The following MANBA variants were observed in gnomAD, a reference collection of about 807,000 sequenced individuals.
MANBA encodes the protein mannosidase beta, also known as beta-mannosidase.
A neutral mutation model predicts 111.1 loss-of-function variants in MANBA; 83 were observed. That is an observed-to-expected ratio of 0.75 (90% CI 0.63 to 0.90). The LOEUF (loss-of-function observed/expected upper bound fraction) is 0.90. MANBA is among the 40% of genes least tolerant of loss of function. MANBA has a pLI of 0.00. For missense variants in MANBA, 1,036 were observed against 1,069.0 expected, an observed-to-expected ratio of 0.97 and a Z score of 0.43; for synonymous variants, 370 against 378.7, an observed-to-expected ratio of 0.98 and a Z score of 0.27.
Position 102,734,668 on chromosome 4 carries a change from C to T in MANBA, c.178-7985G>A, listed in dbSNP as rs1192186210. 7.9e-6 allele frequency: 10 copies of T among 1,268,716 alleles called. No individual in the cohort carries two copies. In the African/African-American group the frequency reaches 1.5e-4, roughly 19 times the overall value. 78.6% of individuals were successfully genotyped at this position (1,268,716 alleles called of 1,614,324 possible). Reference sequence around the variant, plus strand: ...CAGGGAGAGGGCCTTGGGGACAGCCCTCCTGGGAATCTATATCCTGTTCCC... The same window carrying T: ...CAGGGAGAGGGCCTTGGGGACAGCCTTCCTGGGAATCTATATCCTGTTCCC... On this transcript the variant is annotated intron_variant, in intron 1 of 16. Transcript: ENST00000647097.
chr4:102,681,521 C>T (rs1731977225), intron 7 of MANBA: 1 of 152,062 alleles, frequency 6.6e-6, no homozygotes, highest in Admixed American at 6.6e-5. Flanking sequence ...CATACATGAA[C>T]TAAAATATGC....
chr4:102,727,667 C>G, intron 1 of MANBA: 1 of 1,425,470 alleles, frequency 7.0e-7, no homozygotes, highest in Non-Finnish European at 9.9e-7. Flanking sequence ...CTAAGTTGAA[C>G]GCAGTCTCAG....
chr4:102,751,731 G>A (rs936484580), intron 1 of MANBA: 2 of 540,872 alleles, frequency 3.7e-6, no homozygotes, highest in African/African-American at 3.8e-5. Flanking sequence ...AGGGGCAAAG[G>A]AATGGATCTT....
chr4:102,760,673 A>T, intron 1 of MANBA, 45 bp downstream of exon 1: 1 of 1,497,862 alleles, frequency 6.7e-7, no homozygotes, highest in Non-Finnish European at 8.9e-7. Context: ...TCAGCACCAG[A>T]AGAAGGCGGG....
chr4:102,714,625 A>T, intron 4 of MANBA, 64 bp from the exon 5 acceptor site: 3 of 1,504,660 alleles, frequency 2.0e-6, no homozygotes, highest in Non-Finnish European at 2.8e-6. Flanking sequence ...CATTATGAAA[A>T]ACATTTTCTT....
rs373040814 is a variant in MANBA at position 102,657,824 on chromosome 4, T to G, written c.1562A>C (p.Gln521Pro). The change falls in exon 12 of 17, where the codon CAA becomes CCA. Residue 521 changes from glutamine to proline, a missense_variant. By Grantham distance (76) the Gln-to-Pro change is moderately conservative. Coordinates refer to ENST00000647097, the MANE Select transcript of MANBA (RefSeq NM_005908.4). ...ACCAAAATAATTGCTATTAGGGTTT[T>G]GAGAGACCCAGGCTTCTGCAACAGT... ...AETVAEAWVS[Q>P]NPNSNYFGDV... The G allele has an allele frequency of 6.2e-7, 1 of 1,613,956 alleles. No individual in the cohort carries two copies. Among genetic ancestry groups the G allele is most frequent in the Non-Finnish European group, 8.5e-7 (1 of 1,179,810 alleles).
intron 11 of MANBA, among the ~76,000 whole-genome samples, chr4:102,658,400 T>C (rs972579677): frequency 7.9e-5 from 12 of 152,122 alleles, no homozygotes; most frequent in African/African-American, 2.9e-4. Flanking sequence ...AAAATCACCA[T>C]CACTTGAGAA....
intron 1 of MANBA, among the ~76,000 whole-genome samples, chr4:102,737,509 G>A (rs1361717446): frequency 1.3e-5 from 2 of 151,792 alleles, no homozygotes; most frequent in East Asian, 1.9e-4. Flanking sequence ...TTGAAATGGA[G>A]TCTCGCTCTG....
chr4:102,733,028 A>G (rs1032729150), intron 1 of MANBA, among the ~76,000 whole-genome samples: 6 of 152,232 alleles, frequency 3.9e-5, no homozygotes, highest in African/African-American at 1.4e-4. Flanking sequence ...CAAGAGGGCA[A>G]TCTTCCCAGA....
chr4:102,667,098 T>C (rs1317833439), intron 10 of MANBA: 1 of 152,250 alleles, frequency 6.6e-6, no homozygotes, highest in African/African-American at 2.4e-5. Flanking sequence ...TCAGAGTCTC[T>C]CAAAATCCTT....
chr4:102,751,431 G>A (rs568643967), intron 1 of MANBA: 2 of 490,994 alleles, frequency 4.1e-6, no homozygotes, highest in African/African-American at 3.9e-5. Context: ...TTTCTACACC[G>A]ATAACAAGAA....
At chr4:102,650,821 T>C in intron 12 of MANBA, 120 bp from the exon 13 acceptor site, 1 of 769,650 alleles carries the variant, frequency 1.3e-6, no homozygotes, top group African/African-American at 1.7e-5. Context: ...AGGTTTGTTC[T>C]GTGGCTCCAG....
chr4:102,671,196 G>T, intron 9 of MANBA, 85 bp downstream of exon 9: 1 of 892,576 alleles, frequency 1.1e-6, no homozygotes, highest in South Asian at 1.3e-5. Context: ...CTCTGAGACT[G>T]GGGCAATTGC....
chr4:102,650,678 A>G lies in MANBA; in HGVS notation c.1728T>C (p.Ser576=), dbSNP rs1300718782. Residue 576 remains serine, a synonymous_variant, in exon 13 of 17, where the codon TCT becomes TCC. Coordinates refer to ENST00000647097, the MANE Select transcript of MANBA (RefSeq NM_005908.4). ...GATGAAGTGAAAACTTGCTATTGAA[A>G]GACCAGTCCTCTGTAGACGAGACCT... is the stretch of plus-strand genomic sequence containing the variant. ...LEKVSSTEDW[S]FNSKFSLHRQ... The G allele has an allele frequency of 1.2e-6, 2 of 1,613,248 alleles. No homozygotes were observed. Among genetic ancestry groups the G allele is most frequent in the African/African-American group, 2.7e-5 (2 of 75,028 alleles).
At chr4:102,709,019 C>A (rs1721888208) in intron 5 of MANBA, among the ~76,000 whole-genome samples, 1 of 151,850 alleles carries the variant, frequency 6.6e-6, no homozygotes, top group Non-Finnish European at 1.5e-5. Flanking sequence ...CCTGCCAATA[C>A]TGACTGACAA....
chr4:102,652,727 CA>C (rs1306974091), intron 12 of MANBA, among the ~76,000 whole-genome samples: 1 of 151,820 alleles, frequency 6.6e-6, no homozygotes, highest in Non-Finnish European at 1.5e-5. Context: ...CCCATCTCTA[CA>C]AAAAGAAAAA....
chr4:102,745,130 T>C (rs1723542829), intron 1 of MANBA, among the ~76,000 whole-genome samples: 1 of 152,182 alleles, frequency 6.6e-6, no homozygotes, highest in Non-Finnish European at 1.5e-5. Flanking sequence ...CACAATGACA[T>C]TTTGGGTCCC....
chr4:102,677,742 C>T (rs1731788858), intron 7 of MANBA, among the ~76,000 whole-genome samples: 1 of 152,130 alleles, frequency 6.6e-6, no homozygotes, highest in South Asian at 2.1e-4. Context: ...AAGGCAGATA[C>T]AGATGAGAAT....
intron 10 of MANBA, chr4:102,667,313 G>C (rs545792389): frequency 1.3e-5 from 2 of 152,244 alleles, no homozygotes; most frequent in African/African-American, 4.8e-5. Context: ...GGGAAAAATA[G>C]GATTTGAATT....
Sources: gnomAD v4.1 joint callset for allele counts (sites outside exome capture counted in the v4.1 genomes callset) on GRCh38, gnomAD v4.1.1 for gene constraint, MANE v1.5 for transcripts, NCBI Gene and HGNC (gene_info 2026-07-23, HGNC 2026-07-21) for gene names.